The following NR2F1-AS1 variants were observed in gnomAD, a reference collection of about 807,000 sequenced individuals.
NR2F1-AS1 encodes the protein NR2F1 regulatory antisense RNA 1, also known as NR2F1 antisense RNA 1.
intron 4 of NR2F1-AS1, among the ~76,000 whole-genome samples, chr5:93,413,143 C>T (rs1748895037): frequency 6.7e-6 from 1 of 148,672 alleles, no homozygotes; most frequent in South Asian, 2.1e-4. Context: ...TTAATAAAAA[C>T]TTACTGATTT....
intron 4 of NR2F1-AS1, among the ~76,000 whole-genome samples, chr5:93,457,027 T>C (rs966001696): frequency 6.6e-6 from 1 of 152,214 alleles, no homozygotes; most frequent in Non-Finnish European, 1.5e-5. Flanking sequence ...CTCCAGTAGA[T>C]GGAATATACA....
intron 1 of NR2F1-AS1, among the ~76,000 whole-genome samples, chr5:93,569,123 T>G (rs1011803669): frequency 1.3e-5 from 2 of 152,122 alleles, no homozygotes; most frequent in Non-Finnish European, 2.9e-5. Flanking sequence ...CCCACACACC[T>G]CAACCCTTAC....
At chr5:93,488,347 G>A (rs1316463984) in intron 4 of NR2F1-AS1, among the ~76,000 whole-genome samples, 3 of 152,110 alleles carry the variant, frequency 2.0e-5, no homozygotes, top group South Asian at 2.1e-4. Context: ...TCCATCTGAT[G>A]AAGGGCTAAT....
At chr5:93,464,204 C>G (rs1750167837) in intron 4 of NR2F1-AS1, among the ~76,000 whole-genome samples, 2 of 152,098 alleles carry the variant, frequency 1.3e-5, no homozygotes, top group Admixed American at 1.3e-4. Context: ...CTGAATAAGT[C>G]TCAAGAGATC....
intron 4 of NR2F1-AS1, among the ~76,000 whole-genome samples, chr5:93,435,697 T>C (rs1476186121): frequency 6.6e-6 from 1 of 152,210 alleles, no homozygotes; most frequent in Non-Finnish European, 1.5e-5. Flanking sequence ...CTTCAAGTCA[T>C]AGTTCTATCA....
intron 4 of NR2F1-AS1, among the ~76,000 whole-genome samples, chr5:93,504,682 CA>C (rs1251211448): frequency 6.6e-6 from 1 of 152,046 alleles, no homozygotes; most frequent in Non-Finnish European, 1.5e-5. Flanking sequence ...GAGGAAGAAG[CA>C]AAAGTGGAAA....
chr5:93,537,967 T>C (rs1449499350), intron 4 of NR2F1-AS1, among the ~76,000 whole-genome samples: 1 of 152,136 alleles, frequency 6.6e-6, no homozygotes, highest in African/African-American at 2.4e-5. Context: ...ATCTCAAAGA[T>C]GTGCATGGTA....
At chr5:93,581,662 GTCTCGGTCTCTCTCTCTCTC>G (rs1753038182), upstream of NR2F1-AS1, among the ~76,000 whole-genome samples, 1 of 91,804 alleles carries the variant, frequency 1.1e-5, no homozygotes, top group Non-Finnish European at 2.2e-5. Context: ...AGGAATCGGG[GTCTCGGTCTCTCTCTCTCTC>G]TCTCTCTCTC....
intron 4 of NR2F1-AS1, among the ~76,000 whole-genome samples, chr5:93,486,757 T>C (rs190551029): frequency 6.6e-6 from 1 of 152,208 alleles, no homozygotes. Context: ...GATGCCAGCA[T>C]CATCCTGATA....
At chr5:93,466,997 T>C (rs1235151991) in intron 4 of NR2F1-AS1, among the ~76,000 whole-genome samples, 3 of 142,786 alleles carry the variant, frequency 2.1e-5, no homozygotes, top group African/African-American at 7.8e-5. Flanking sequence ...ACCTCAGAGG[T>C]TCAAGAGATT....
At chr5:93,514,694 C>T (rs1018156753) in intron 4 of NR2F1-AS1, among the ~76,000 whole-genome samples, 1 of 151,988 alleles carries the variant, frequency 6.6e-6, no homozygotes, top group African/African-American at 2.4e-5. Flanking sequence ...CTTGAGGAAA[C>T]AGATCTAATA....
intron 4 of NR2F1-AS1, among the ~76,000 whole-genome samples, chr5:93,442,827 C>T (rs970766460): frequency 6.6e-6 from 1 of 152,168 alleles, no homozygotes; most frequent in African/African-American, 2.4e-5. Flanking sequence ...AGCCAGATGC[C>T]CCTCTGAGAC....
At chr5:93,513,551 G>C (rs1330220830) in intron 4 of NR2F1-AS1, among the ~76,000 whole-genome samples, 1 of 152,052 alleles carries the variant, frequency 6.6e-6, no homozygotes, top group African/African-American at 2.4e-5. Flanking sequence ...ATTAAGGCAG[G>C]AACAGAAAAA....
At chr5:93,500,960 T>G (rs1483182810) in intron 4 of NR2F1-AS1, among the ~76,000 whole-genome samples, 1 of 152,200 alleles carries the variant, frequency 6.6e-6, no homozygotes, top group Non-Finnish European at 1.5e-5. Context: ...GCCATACCTG[T>G]CATAGATAGC....
intron 4 of NR2F1-AS1, among the ~76,000 whole-genome samples, chr5:93,416,119 C>A (rs1748962533): frequency 6.6e-6 from 1 of 152,158 alleles, no homozygotes; most frequent in Non-Finnish European, 1.5e-5. Flanking sequence ...ACCCACACAG[C>A]TTATGAAACA....
chr5:93,472,181 G>C (rs2149870744), intron 4 of NR2F1-AS1, among the ~76,000 whole-genome samples: 1 of 151,842 alleles, frequency 6.6e-6, no homozygotes. Context: ...TATCAATGAA[G>C]GAAATTACAC....
chr5:93,418,786 CA>C (rs1749025393), intron 4 of NR2F1-AS1, among the ~76,000 whole-genome samples: 1 of 152,088 alleles, frequency 6.6e-6, no homozygotes, highest in Admixed American at 6.6e-5. Flanking sequence ...TTGGCCACAG[CA>C]TCATAATTGC....
chr5:93,486,904 A>C (rs1203972490), intron 4 of NR2F1-AS1, among the ~76,000 whole-genome samples: 1 of 152,134 alleles, frequency 6.6e-6, no homozygotes, highest in East Asian at 1.9e-4. Context: ...CCACCACAAT[A>C]AGTTGGCTTC....
At chr5:93,477,945 T>A (rs1329117833) in intron 4 of NR2F1-AS1, among the ~76,000 whole-genome samples, 1 of 152,240 alleles carries the variant, frequency 6.6e-6, no homozygotes, top group African/African-American at 2.4e-5. Flanking sequence ...TGTATTACCA[T>A]GTGGAGCCCC....
Sources: allele counts gnomAD v4.1 joint callset (sites outside exome capture counted in the v4.1 genomes callset), GRCh38; gene constraint gnomAD v4.1.1; transcripts MANE v1.5; gene names NCBI Gene and HGNC (gene_info 2026-07-23, HGNC 2026-07-21).